The following NRCAM variants were observed in gnomAD, a reference collection of about 807,000 sequenced individuals.
NRCAM encodes neuronal cell adhesion molecule.
A neutral mutation model predicts 156.5 loss-of-function variants in NRCAM; 83 were observed. That is an observed-to-expected ratio of 0.53 (90% CI 0.44 to 0.64). NRCAM has a LOEUF of 0.64. NRCAM is among the 30% of genes least tolerant of loss of function. The probability of loss-of-function intolerance (pLI) is 0.00; values close to 1 mark genes in which losing one functional copy is unlikely to be tolerated. For missense variants in NRCAM, 1,417 were observed against 1,597.3 expected (o/e 0.89, Z 1.92); for synonymous variants, 538 against 563.9 (o/e 0.95, Z 0.65).
intron 1 of NRCAM, among the ~76,000 whole-genome samples, chr7:108,418,223 G>A (rs554019078): frequency 6.6e-6 from 1 of 152,220 alleles, no homozygotes; most frequent in South Asian, 2.1e-4. Flanking sequence ...AGGACTTGCT[G>A]ACTTGTATTT....
chr7:108,287,868 T>C (rs1459368783), intron 3 of NRCAM, among the ~76,000 whole-genome samples: 1 of 152,118 alleles, frequency 6.6e-6, no homozygotes, highest in East Asian at 1.9e-4. Flanking sequence ...CATTACTAGA[T>C]ATCTACCCAA....
chr7:108,164,300 G>A (rs192685206), intron 30 of NRCAM, among the ~76,000 whole-genome samples: 46 of 152,144 alleles, frequency 3.0e-4, no homozygotes, highest in Admixed American at 2.2e-3. Flanking sequence ...CGCCTATCTC[G>A]TCTGTTTTTC....
chr7:108,347,601 A>C (rs1563369401), intron 2 of NRCAM, among the ~76,000 whole-genome samples: 1 of 152,224 alleles, frequency 6.6e-6, no homozygotes, highest in Non-Finnish European at 1.5e-5. Flanking sequence ...AATCCTTCTA[A>C]GGATGTATAT....
intron 9 of NRCAM, 90 bp downstream of exon 9, chr7:108,226,118 C>T: frequency 1.1e-6 from 1 of 917,034 alleles, no homozygotes; most frequent in Non-Finnish European, 1.6e-6. Context: ...AACCTGTTTA[C>T]TTCAAAGTCA....
rs528325694 is a variant in NRCAM, at chr7:108,186,763, T to A, written c.2036-2149A>T. On this transcript the variant is annotated intron_variant, in intron 20 of 32. Coordinates refer to ENST00000379028, the MANE Select transcript of NRCAM (RefSeq NM_001037132.4). ...TAATTTTAAACAATTTTAAATCTAT[T>A]TATATCTTAACATTGTAAAGCTTCT... 4.6e-5 allele frequency among the ~76,000 whole-genome samples: 7 copies of A among 152,344 alleles called. No homozygotes were observed. In the East Asian group the frequency reaches 1.3e-3, roughly 29 times the overall value.
intron 28 of NRCAM, among the ~76,000 whole-genome samples, chr7:108,169,788 G>A (rs2057321926): frequency 6.6e-6 from 1 of 151,994 alleles, no homozygotes; most frequent in Non-Finnish European, 1.5e-5. Context: ...AACATCAATG[G>A]CAACCCAGGA....
chr7:108,350,332 G>T (rs1368841805), intron 2 of NRCAM, among the ~76,000 whole-genome samples: 1 of 152,192 alleles, frequency 6.6e-6, no homozygotes, highest in Non-Finnish European at 1.5e-5. Context: ...TGGGAACAGT[G>T]ATGGCTTCCT....
At chr7:108,310,657 A>AG (rs2098790715) in intron 3 of NRCAM, among the ~76,000 whole-genome samples, 1 of 152,226 alleles carries the variant, frequency 6.6e-6, no homozygotes, top group African/African-American at 2.4e-5. Context: ...TGAATAGCCT[A>AG]GGGACATTCT....
intron 3 of NRCAM, among the ~76,000 whole-genome samples, chr7:108,294,204 T>G (rs2098403953): frequency 1.4e-5 from 2 of 140,072 alleles, no homozygotes; most frequent in African/African-American, 2.6e-5. Context: ...TTTTTTTTTT[T>G]TTTTTTTTTT....
chr7:108,388,047 G>C (rs2099747074), intron 2 of NRCAM, among the ~76,000 whole-genome samples: 1 of 152,156 alleles, frequency 6.6e-6, no homozygotes, highest in Non-Finnish European at 1.5e-5. Context: ...ATAGCAGCAT[G>C]ATTTATAATC....
intron 28 of NRCAM, among the ~76,000 whole-genome samples, chr7:108,172,425 A>C (rs907193775): frequency 6.6e-6 from 1 of 152,130 alleles, no homozygotes; most frequent in Non-Finnish European, 1.5e-5. Flanking sequence ...CCTCCCGGGC[A>C]GCTAGGACTA....
chr7:108,432,909 GAGAA>G (rs1827333399), intron 1 of NRCAM, among the ~76,000 whole-genome samples: 2 of 146,166 alleles, frequency 1.4e-5, no homozygotes, highest in East Asian at 2.2e-4. Flanking sequence ...GAGAGAGAGA[GAGAA>G]AGAGAAAGAG....
chr7:108,350,484 T>C (rs565059754), intron 2 of NRCAM, among the ~76,000 whole-genome samples: 2 of 152,346 alleles, frequency 1.3e-5, no homozygotes, highest in South Asian at 4.1e-4. Context: ...AGTTTGTATA[T>C]AAATATCCCA....
intron 3 of NRCAM, among the ~76,000 whole-genome samples, chr7:108,284,356 T>C (rs868676425): frequency 2.0e-5 from 3 of 152,164 alleles, no homozygotes; most frequent in Middle Eastern, 3.2e-3. Flanking sequence ...ACTTTCTTTA[T>C]TTAGGTGTTG....
chr7:108,405,921 C>A (rs919397835), intron 1 of NRCAM, among the ~76,000 whole-genome samples: 2 of 151,486 alleles, frequency 1.3e-5, no homozygotes, highest in East Asian at 3.9e-4. Flanking sequence ...AAGTTCAAGA[C>A]CAGCCTGGGC....
Position 108,298,374 on chromosome 7 carries a change from G to A in NRCAM, c.-107+14291C>T, listed in dbSNP as rs552861459. On this transcript the variant is annotated intron_variant, in intron 3 of 32. Coordinates refer to ENST00000379028, the MANE Select transcript of NRCAM (RefSeq NM_001037132.4). Reference sequence around the variant, plus strand: ...CCCGCCAAAAAAACCCGCAGGGCACGGTGGCTCATGCCTGTAATCCCAGAA... The same window carrying A: ...CCCGCCAAAAAAACCCGCAGGGCACAGTGGCTCATGCCTGTAATCCCAGAA... Among the ~76,000 whole-genome samples the A allele has an allele frequency of 6.6e-5, 10 of 152,078 alleles. No individual in the cohort carries two copies. In the East Asian group the frequency reaches 1.4e-3, roughly 21 times the overall value.
chr7:108,417,663 T>C (rs1803296770), intron 1 of NRCAM, among the ~76,000 whole-genome samples: 1 of 152,328 alleles, frequency 6.6e-6, no homozygotes, highest in African/African-American at 2.4e-5. Context: ...TTCTTTTTAA[T>C]TCAGATGTCC....
At chr7:108,272,483 T>C (rs1213372959) in intron 3 of NRCAM, among the ~76,000 whole-genome samples, 1 of 152,212 alleles carries the variant, frequency 6.6e-6, no homozygotes, top group Non-Finnish European at 1.5e-5. Flanking sequence ...ACGATCTTTA[T>C]TTATCCCACT....
intron 2 of NRCAM, among the ~76,000 whole-genome samples, chr7:108,373,656 G>A (rs1407559146): frequency 2.6e-5 from 4 of 152,296 alleles, no homozygotes; most frequent in Middle Eastern, 3.4e-3. Flanking sequence ...GGGGACCACT[G>A]AGTGTGCAAC....
Sources: gnomAD v4.1 joint callset for allele counts (sites outside exome capture counted in the v4.1 genomes callset) on GRCh38, gnomAD v4.1.1 for gene constraint, MANE v1.5 for transcripts, NCBI Gene and HGNC (gene_info 2026-07-23, HGNC 2026-07-21) for gene names.